CLEC2A: variants seen among roughly 807,000 people sequenced by gnomAD.
CLEC2A encodes the protein C-type lectin domain family 2 member A, also known as keratinocyte-associated C-type lectin.
CLEC2A carries 19 observed loss-of-function variants against 18.6 expected under a neutral mutation model. The observed-to-expected ratio is 1.02, with a 90% CI of 0.71 to 1.50. CLEC2A has a LOEUF of 1.50. CLEC2A is among the 40% of genes most tolerant of loss of function. The pLI, the probability that CLEC2A is intolerant of heterozygous loss-of-function variation, is 0.00. For synonymous variants in CLEC2A, 74 were observed against 64.0 expected (o/e 1.16, Z -0.75); for missense variants, 190 against 207.9 (o/e 0.91, Z 0.53).
the CLEC2A span, chr12:9,881,632 A>G: frequency 6.5e-7 from 1 of 1,535,624 alleles, no homozygotes. Context: ...GCTGAGTTTC[A>G]AGAATCGTTG....
At chr12:9,899,827 C>T (rs1050021230) in intron 4 of CLEC2A, among the ~76,000 whole-genome samples, 2 of 152,222 alleles carry the variant, frequency 1.3e-5, no homozygotes, top group Non-Finnish European at 2.9e-5. Context: ...ACCAGCCACA[C>T]TCACCTGCAT....
chr12:9,897,439 G>T (rs1282444020), downstream of CLEC2A, among the ~76,000 whole-genome samples: 1 of 151,860 alleles, frequency 6.6e-6, no homozygotes, highest in Admixed American at 6.6e-5. Context: ...TGTGATGCAG[G>T]ATCTTTTGCT....
At chr12:9,930,332 A>C (rs1482299923) in intron 1 of CLEC2A, among the ~76,000 whole-genome samples, 1 of 152,182 alleles carries the variant, frequency 6.6e-6, no homozygotes, top group Admixed American at 6.5e-5. Context: ...TCAATATATA[A>C]AATTTTAAGG....
rs371422273 is a variant in CLEC2A at position 9,932,351 on chromosome 12, G to A, written c.-22C>T. The A allele has an allele frequency of 1.1e-4, 165 of 1,551,508 alleles. No individual in the cohort carries two copies. The African/African-American group carries it at 1.9e-3, about 18-fold the overall frequency. ...TCATGGCAAGGCGCTAACCGATGGA[G>A]ATCAGTAGGAGAGGACTAGAAAGCT... On this transcript the variant is annotated 5_prime_UTR_variant, in exon 1 of 5. Coordinates refer to ENST00000455827, the MANE Select transcript of CLEC2A (RefSeq NM_001130711.2).
chr12:9,887,471 A>T, the CLEC2A span, among the ~76,000 whole-genome samples: 14 of 152,366 alleles, frequency 9.2e-5, 1 homozygote, highest in South Asian at 1.0e-3. Flanking sequence ...ATTTTAACTT[A>T]GATTTGAAAC....
At chr12:9,893,095 C>G in the CLEC2A span, 6,276 of 1,535,274 alleles carry the variant, frequency 4.1e-3, 17 homozygotes, top group Non-Finnish European at 4.8e-3. Flanking sequence ...TCTTTTAAAA[C>G]GTGGAAAGAG....
At position 9,916,584 on chromosome 12, in the gene CLEC2A, G is replaced by GT. The variant is rs1863074566; in HGVS notation, c.410+115dup. 8 of 751,018 alleles carry GT rather than the reference G, an allele frequency of 1.1e-5. No homozygotes were observed. In the East Asian group the frequency reaches 1.9e-4, roughly 18 times the overall value. 46.5% of individuals were successfully genotyped at this position (751,018 alleles called of 1,614,324 possible). A position where few individuals can be genotyped will look rare whatever the true frequency, so the allele number is the denominator to read the frequency against. ...TATGTCATCGATTGGAGACTGAAAA[G>GT]TTAATTCCACATGGAAAACAGAAAG... On this transcript the variant is annotated intron_variant, in intron 4 of 4. Coordinates refer to ENST00000455827, the MANE Select transcript of CLEC2A (RefSeq NM_001130711.2).
the CLEC2A span, among the ~76,000 whole-genome samples, chr12:9,892,580 C>CTTTTTTTT: frequency 2.9e-5 from 3 of 104,838 alleles, no homozygotes; most frequent in East Asian, 5.4e-4. Context: ...TACAGAACTG[C>CTTTTTTTT]TTTTTTTTTT....
At chr12:9,889,671 T>C in the CLEC2A span, among the ~76,000 whole-genome samples, 28 of 151,564 alleles carry the variant, frequency 1.8e-4, no homozygotes, top group Non-Finnish European at 4.0e-4. Context: ...TATATATATG[T>C]ATATATATAC....
chr12:9,886,636 A>G, the CLEC2A span, among the ~76,000 whole-genome samples: 9 of 152,220 alleles, frequency 5.9e-5, no homozygotes, highest in African/African-American at 2.2e-4. Flanking sequence ...TTTAAAAATA[A>G]CTTTTGAAAG....
the CLEC2A span, chr12:9,885,134 T>A: frequency 2.6e-6 from 1 of 378,338 alleles, no homozygotes; most frequent in African/African-American, 2.1e-5. Context: ...AGTCCAAAAC[T>A]GGCATATGTC....
the CLEC2A span, among the ~76,000 whole-genome samples, chr12:9,878,191 G>A: frequency 5.3e-5 from 8 of 152,256 alleles, no homozygotes; most frequent in South Asian, 4.1e-4. Flanking sequence ...TTTCAGAAGC[G>A]TAGAAGTTGT....
downstream of CLEC2A, among the ~76,000 whole-genome samples, chr12:9,912,202 A>T (rs1862997399): frequency 6.6e-6 from 1 of 152,186 alleles, no homozygotes; most frequent in Admixed American, 6.5e-5. Flanking sequence ...CCACCAGGGG[A>T]AAAGCTTAAT....
At chr12:9,923,624 C>A (rs1327418404) in intron 2 of CLEC2A, among the ~76,000 whole-genome samples, 2 of 152,138 alleles carry the variant, frequency 1.3e-5, no homozygotes, top group Non-Finnish European at 2.9e-5. Context: ...AAGACACATA[C>A]ACACGTATGT....
At chr12:9,924,437 G>A (rs141558091) in intron 2 of CLEC2A, among the ~76,000 whole-genome samples, 4 of 151,568 alleles carry the variant, frequency 2.6e-5, no homozygotes, top group Admixed American at 1.3e-4. Flanking sequence ...GAGAATGACC[G>A]AAACCCAACC....
intron 1 of CLEC2A, 29 bp from the exon 2 acceptor site, chr12:9,926,372 A>G: frequency 7.4e-7 from 1 of 1,355,212 alleles, no homozygotes; most frequent in Non-Finnish European, 1.0e-6. Flanking sequence ...CATATTTTAC[A>G]ATTTCTGAAT....
At chr12:9,920,328 A>C (rs1863147876) in intron 3 of CLEC2A, among the ~76,000 whole-genome samples, 1 of 152,164 alleles carries the variant, frequency 6.6e-6, no homozygotes, top group Admixed American at 6.5e-5. Context: ...GTCACTGCAC[A>C]TGCCTGAGAG....
the CLEC2A span, among the ~76,000 whole-genome samples, chr12:9,887,495 TAA>T: frequency 6.6e-6 from 1 of 152,150 alleles, no homozygotes; most frequent in African/African-American, 2.4e-5. Flanking sequence ...AGTAATCAAG[TAA>T]ATATTTTTTC....
intron 4 of CLEC2A, among the ~76,000 whole-genome samples, chr12:9,915,771 TGATGGATTG>T (rs1258165374): frequency 1.3e-5 from 2 of 152,182 alleles, no homozygotes; most frequent in Non-Finnish European, 2.9e-5. Flanking sequence ...CAAACCTAGA[TGATGGATTG>T]GTAGGTGCAA....
Sources: gnomAD v4.1 joint callset for allele counts (sites outside exome capture counted in the v4.1 genomes callset) on GRCh38, gnomAD v4.1.1 for gene constraint, MANE v1.5 for transcripts, NCBI Gene and HGNC (gene_info 2026-07-23, HGNC 2026-07-21) for gene names.